ZFYVE26: variants seen among roughly 807,000 people sequenced by gnomAD.
ZFYVE26 encodes zinc finger FYVE domain-containing protein 26.
In ZFYVE26, 181 loss-of-function variants were observed where a neutral mutation model predicts 276.5. The ratio of observed to expected loss-of-function variants is 0.65; its 90% CI spans 0.58 to 0.74. The LOEUF (loss-of-function observed/expected upper bound fraction) is 0.74, where lower values mean the gene tolerates loss of function less well. Ranked by LOEUF, ZFYVE26 falls within the 30% of genes least tolerant of loss-of-function variation. ZFYVE26 has a pLI of 0.00. For synonymous variants in ZFYVE26, 1,129 were observed against 1,203.1 expected (o/e 0.94, Z 1.27); for missense variants, 2,821 against 3,097.9 (o/e 0.91, Z 2.12).
Position 67,778,064 on chromosome 14 carries a change from T to A in ZFYVE26, c.4797+62A>T, listed in dbSNP as rs781221126. 761 of 1,609,234 alleles carry A rather than the reference T, an allele frequency of 4.7e-4. 2 individuals carry two copies. The highest frequency in any genetic ancestry group is 9.7e-4 in the Admixed American group (58 of 59,932). On this transcript the variant is annotated intron_variant, in intron 24 of 41. Transcript: ENST00000347230. ...GGGATTCAACATGAAAATAAAGCCA[T>A]CTGATTTGACTAAACTTCTTGTCCC...
intron 13 of ZFYVE26, among the ~76,000 whole-genome samples, chr14:67,730,058 T>C (rs2038249412): frequency 6.6e-6 from 1 of 152,230 alleles, no homozygotes; most frequent in African/African-American, 2.4e-5. Context: ...GGATAAGTGA[T>C]AATAGCTAAT....
At position 67,753,534 on chromosome 14, in the gene ZFYVE26, C is replaced by T. The variant is rs12880908; in HGVS notation, c.7188+173G>A. 0.13 allele frequency among the ~76,000 whole-genome samples: 20,009 copies of T among 152,182 alleles called. 1,367 individuals are homozygous for T. The highest frequency in any genetic ancestry group is 0.22 in the Middle Eastern group (64 of 294). ...GGTTACTTGGCTTCTGGCAAAGTGG[C>T]CTAGAGTCTTGAATTTGACCCAGTT... On this transcript the variant is annotated intron_variant, in intron 39 of 41. Coordinates refer to ENST00000347230, the MANE Select transcript of ZFYVE26 (RefSeq NM_015346.4).
At chr14:67,791,629 C>T (rs2140235329) in intron 14 of ZFYVE26, among the ~76,000 whole-genome samples, 1 of 150,060 alleles carries the variant, frequency 6.7e-6, no homozygotes, top group South Asian at 2.1e-4. Flanking sequence ...CTGTCTGTAT[C>T]CAGGTCAAAA....
At chr14:67,793,571 G>A (rs371290862) in intron 14 of ZFYVE26, 37 bp downstream of exon 14, 1 of 1,607,906 alleles carries the variant, frequency 6.2e-7, no homozygotes, top group South Asian at 1.1e-5. Flanking sequence ...CTGATGCTAA[G>A]TCATTCAGGG....
chr14:67,776,046 G>A lies in ZFYVE26; in HGVS notation c.5035C>T (p.Leu1679=), dbSNP rs750954891. ...ATAAGCAGCTGCTCCAGCATGAACA[G>A]GGGGTTAGAGGACAAGTGGGAATAG... The part of the protein sequence containing the change: ...ASYSHLSSNP[L]FMLEQLLMNM... Residue 1679 remains leucine (L), a synonymous_variant, in exon 26 of 42, where the codon CTG becomes TTG. Transcript: ENST00000347230. 1.2e-6 allele frequency: 2 copies of A among 1,614,134 alleles called. No individual in the cohort carries two copies.
At chr14:67,786,952 C>T (rs952507447) in intron 16 of ZFYVE26, among the ~76,000 whole-genome samples, 1 of 152,120 alleles carries the variant, frequency 6.6e-6, no homozygotes, top group Admixed American at 6.5e-5. Context: ...AAGACAAACA[C>T]CACATGTTCT....
rs531861393 is a variant in ZFYVE26, at chr14:67,748,558, G to A, written c.7498C>T (p.Leu2500Phe). The change falls in exon 42 of 42, where the codon CTT becomes TTT. Residue 2500 changes from leucine (L) to phenylalanine (F), a missense_variant. Transcript: ENST00000347230. ...GCGGCCTGCTGCACCTGCTGGACAA[G>A]GGCTGTGGCCCGTGAGTGTTCTTGC... The part of the protein sequence containing the change: ...VKQEHSRATA[L>F]VQQVQQAAKS... The A allele has an allele frequency of 1.2e-6, 2 of 1,614,190 alleles. No individual in the cohort carries two copies. The highest frequency in any genetic ancestry group is 2.7e-5 in the African/African-American group (2 of 75,074).
chr14:67,807,747 ATCC>A lies in ZFYVE26; in HGVS notation c.534_536del (p.Glu178del). 2 of 1,614,202 alleles carry A rather than the reference ATCC, an allele frequency of 1.2e-6. No individual in the cohort carries two copies. Among genetic ancestry groups the A allele is most frequent in the South Asian group, 2.2e-5 (2 of 91,082 alleles). ...GCCAGTGACAGAGGCCAGTACCGTC[ATCC>A]TCCTCAAGCAGGAGCTCCAGCAGGG... On this transcript the variant is annotated inframe_deletion, in exon 5 of 42. Coordinates refer to ENST00000347230, the MANE Select transcript of ZFYVE26 (RefSeq NM_015346.4).
chr14:67,776,979 T>G (rs963320550), intron 25 of ZFYVE26, among the ~76,000 whole-genome samples: 4 of 152,226 alleles, frequency 2.6e-5, no homozygotes, highest in African/African-American at 9.6e-5. Flanking sequence ...TTTTTCTAGC[T>G]GGAGGTTTCT....
At chr14:67,813,253 CAGA>C (rs1418281470) in intron 3 of ZFYVE26, among the ~76,000 whole-genome samples, 2 of 152,304 alleles carry the variant, frequency 1.3e-5, no homozygotes, top group Admixed American at 1.3e-4. Flanking sequence ...GGATTGAGGT[CAGA>C]AGATCTTGGT....
At chr14:67,809,409 T>C (rs1337350964) in intron 3 of ZFYVE26, 120 bp from the exon 4 acceptor site, 1 of 120,844 alleles carries the variant, frequency 8.3e-6, no homozygotes, top group Admixed American at 9.3e-5. Context: ...TGAAGCACTC[T>C]TTTTTTTTTT....
At position 67,798,122 on chromosome 14, in the gene ZFYVE26, T is replaced by A. The variant is rs1566892847; in HGVS notation, c.2140A>T (p.Ser714Cys). Residue 714 changes from serine (S) to cysteine (C), a missense_variant, in exon 11 of 42, where the codon AGC becomes TGC. Physicochemically the swap from Ser to Cys is moderately radical, Grantham distance 112. Coordinates refer to ENST00000347230, the MANE Select transcript of ZFYVE26 (RefSeq NM_015346.4). ...PPEKPKQESQ[S>C]CSGSRDGLQS... ...AGTCCATCTCTGCTTCCTGAGCAGC[T>A]CTGACTTTCTTGCTTTGGCTTCTCA... 6.2e-7 allele frequency: 1 copy of A among 1,614,148 alleles called. No homozygotes were observed. Among genetic ancestry groups the A allele is most frequent in the Non-Finnish European group, 8.5e-7 (1 of 1,180,002 alleles).
chr14:67,807,298 A>T, intron 5 of ZFYVE26, 100 bp downstream of exon 5: 1 of 1,523,138 alleles, frequency 6.6e-7, no homozygotes, highest in Non-Finnish European at 9.0e-7. Flanking sequence ...CCCCTATTAG[A>T]TGTCCTGAGC....
chr14:67,806,654 G>T lies in ZFYVE26; in HGVS notation c.908C>A (p.Pro303His). The change falls in exon 6 of 42, where the codon CCT (proline) becomes CAT (histidine). Residue 303 changes from proline (P) to histidine (H), a missense_variant. Transcript: ENST00000347230. The part of the protein sequence containing the change: ...SGKVSPDHLD[P>H]ERAMLALFSN... ...GAACAGGGCTAGCATTGCCCGCTCA[G>T]GATCTAGATGATCCGGTGAGACTGA... 1 of 1,614,178 alleles carries T rather than the reference G, an allele frequency of 6.2e-7. No individual in the cohort carries two copies. The highest frequency in any genetic ancestry group is 8.5e-7 in the Non-Finnish European group (1 of 1,180,036).
intron 13 of ZFYVE26, among the ~76,000 whole-genome samples, chr14:67,735,905 G>C (rs943964044): frequency 4.6e-5 from 7 of 152,220 alleles, no homozygotes; most frequent in Non-Finnish European, 1.0e-4. Context: ...CCTAGGTGGT[G>C]ACTAGCTGCC....
In ZFYVE26 at chr14:67,798,144, C is replaced by T; in HGVS notation, c.2118G>A (p.Glu706=). 1.2e-6 allele frequency: 2 copies of T among 1,614,114 alleles called. No individual in the cohort carries two copies. The highest frequency in any genetic ancestry group is 1.7e-6 in the Non-Finnish European group (2 of 1,179,996). The change falls in exon 11 of 42, where the codon GAG becomes GAA. Residue 706 remains glutamate, a synonymous_variant. Transcript: ENST00000347230. ...AGCTCTGACTTTCTTGCTTTGGCTT[C>T]TCAGGAGGGCTGCGGCTACTGATCT... is the stretch of plus-strand genomic sequence containing the variant. ...LDEISSRSPP[E]KPKQESQSCS... is the part of the protein sequence containing the mutation.
Position 67,793,664 on chromosome 14 carries a change from G to C in ZFYVE26, c.2497C>G (p.Pro833Ala), listed in dbSNP as rs750766603. The C allele has an allele frequency of 2.5e-6, 4 of 1,613,796 alleles. No homozygotes were observed. The African/African-American group carries it at 5.3e-5, about 22-fold the overall frequency. Reference sequence around the variant, plus strand: ...ATGCAGGATGCCAGCAGTGACTCAGGTGGGGAGAACATCATGGGGATGAGT... The same window carrying C: ...ATGCAGGATGCCAGCAGTGACTCAGCTGGGGAGAACATCATGGGGATGAGT... ...SSLIPMMFSP[P>A]ESLLASCILR... Residue 833 changes from proline to alanine, a missense_variant, in exon 14 of 42, where the codon CCT becomes GCT. Pro to Ala is a conservative substitution (Grantham distance 27). Transcript: ENST00000347230.
At chr14:67,778,534 A>G (rs1467111145) in intron 23 of ZFYVE26, among the ~76,000 whole-genome samples, 1 of 152,246 alleles carries the variant, frequency 6.6e-6, no homozygotes, top group East Asian at 1.9e-4. Context: ...CACCCATGCT[A>G]TAAGAATGGG....
At chr14:67,762,634 TG>T in intron 33 of ZFYVE26, 37 bp downstream of exon 33, 1 of 1,610,552 alleles carries the variant, frequency 6.2e-7, no homozygotes, top group South Asian at 1.1e-5. Flanking sequence ...CTTGCTACAG[TG>T]GGGTGGAAGT....
Sources: gnomAD v4.1 joint callset for allele counts (sites outside exome capture counted in the v4.1 genomes callset) on GRCh38, gnomAD v4.1.1 for gene constraint, MANE v1.5 for transcripts, NCBI Gene and HGNC (gene_info 2026-07-23, HGNC 2026-07-21) for gene names.